The following OPCML variants were observed in gnomAD, a reference collection of about 807,000 sequenced individuals.
OPCML encodes opioid-binding protein/cell adhesion molecule.
OPCML carries 13 observed loss-of-function variants against 37.8 expected under a neutral mutation model. The ratio of observed to expected loss-of-function variants is 0.34; its 90% CI spans 0.22 to 0.55. The LOEUF is 0.55. OPCML is among the 20% of genes least tolerant of loss of function. The pLI is 0.91. For synonymous variants in OPCML, 176 were observed against 168.8 expected (o/e 1.04, Z -0.33); for missense variants, 341 against 435.6 (o/e 0.78, Z 1.93).
At chr11:132,782,929 A>ATG (rs1237113383) in intron 2 of OPCML, among the ~76,000 whole-genome samples, 2 of 146,264 alleles carry the variant, frequency 1.4e-5, no homozygotes, top group Non-Finnish European at 3.0e-5. Flanking sequence ...ATATATATAT[A>ATG]TATATATATA....
At chr11:132,691,185 T>C (rs1312058083) in intron 2 of OPCML, among the ~76,000 whole-genome samples, 1 of 152,196 alleles carries the variant, frequency 6.6e-6, no homozygotes, top group East Asian at 1.9e-4. Flanking sequence ...CTTTATATAT[T>C]AGATAATGTA....
Position 132,991,383 on chromosome 11 carries a change from T to C in OPCML, c.62-48373A>G, listed in dbSNP as rs551290122. On this transcript the variant is annotated intron_variant, in intron 1 of 7. Coordinates refer to ENST00000524381, the MANE Select transcript of OPCML (RefSeq NM_001012393.5). The stretch of plus-strand genomic sequence containing the variant: ...CCCTAATAGAACAAAATCTACTAAT[T>C]AAATTCCACTCAATAATGCATTTTC... Among the ~76,000 whole-genome samples, 5 of 152,338 alleles carry C rather than the reference T, an allele frequency of 3.3e-5. No individual in the cohort carries two copies. The South Asian group carries it at 1.0e-3, about 32-fold the overall frequency.
intron 1 of OPCML, among the ~76,000 whole-genome samples, chr11:133,071,891 G>A (rs929921949): frequency 1.3e-5 from 2 of 152,026 alleles, no homozygotes; most frequent in African/African-American, 2.4e-5. Flanking sequence ...TCCTGATATC[G>A]CCCAATCCTC....
chr11:132,618,954 TACACACACACAC>T (rs6144570), intron 3 of OPCML, among the ~76,000 whole-genome samples: 13,551 of 145,466 alleles, frequency 0.093, 844 homozygotes, highest in African/African-American at 0.19. Context: ...AGCACACGCA[TACACACACACAC>T]ACACACACAC....
intron 1 of OPCML, among the ~76,000 whole-genome samples, chr11:133,290,074 TCTC>T (rs1323221953): frequency 6.6e-6 from 1 of 152,104 alleles, no homozygotes; most frequent in Non-Finnish European, 1.5e-5. Flanking sequence ...TCTTCTCAAA[TCTC>T]CTCAAATTCC....
intron 1 of OPCML, among the ~76,000 whole-genome samples, chr11:133,249,835 C>T (rs535713110): frequency 6.6e-6 from 1 of 152,140 alleles, no homozygotes; most frequent in Non-Finnish European, 1.5e-5. Flanking sequence ...AAATACAATG[C>T]TAGAAGGCAG....
intron 1 of OPCML, among the ~76,000 whole-genome samples, chr11:133,485,521 T>G (rs923044105): frequency 2.0e-5 from 3 of 152,176 alleles, no homozygotes; most frequent in African/African-American, 7.2e-5. Context: ...AATTTTCCTT[T>G]CTGCATCATC....
Position 132,696,518 on chromosome 11 carries a change from AAT to A in OPCML, c.147-39201_147-39200del, listed in dbSNP as rs1412959335. Reference sequence around the variant, plus strand: ...TGATACTATACCAATAAGATAAATAAATAGATACTATGTAGAAGTAATTGTCA... The same window carrying A: ...TGATACTATACCAATAAGATAAATAAAGATACTATGTAGAAGTAATTGTCA... On this transcript the variant is annotated intron_variant, in intron 2 of 7. Coordinates refer to ENST00000524381, the MANE Select transcript of OPCML (RefSeq NM_001012393.5). 5.4e-4 allele frequency among the ~76,000 whole-genome samples: 82 copies of A among 152,206 alleles called. 2 individuals carry two copies. The highest frequency in any genetic ancestry group is 5.3e-3 in the Admixed American group (81 of 15,280).
chr11:132,488,912 G>A (rs1321753266), intron 4 of OPCML, among the ~76,000 whole-genome samples: 1 of 152,134 alleles, frequency 6.6e-6, no homozygotes. Flanking sequence ...GCTGGTTTGA[G>A]CAGAAGCGAC....
chr11:132,648,478 A>G (rs1242622206), intron 3 of OPCML, among the ~76,000 whole-genome samples: 2 of 151,862 alleles, frequency 1.3e-5, no homozygotes, highest in African/African-American at 4.8e-5. Flanking sequence ...TTCTATTGCA[A>G]ATAAGGCAGA....
intron 2 of OPCML, among the ~76,000 whole-genome samples, chr11:132,710,971 TG>T (rs1944241109): frequency 6.6e-6 from 1 of 152,122 alleles, no homozygotes; most frequent in African/African-American, 2.4e-5. Flanking sequence ...ACATGGACTT[TG>T]CATGCTGTGG....
intron 2 of OPCML, among the ~76,000 whole-genome samples, chr11:132,740,979 G>A (rs1459950797): frequency 6.6e-6 from 1 of 152,186 alleles, no homozygotes; most frequent in East Asian, 1.9e-4. Context: ...GTGATGAAGG[G>A]ACAGTATGAC....
At chr11:133,482,832 A>T (rs1443340694) in intron 1 of OPCML, among the ~76,000 whole-genome samples, 1 of 152,212 alleles carries the variant, frequency 6.6e-6, no homozygotes, top group Non-Finnish European at 1.5e-5. Flanking sequence ...ACAGAAAAAA[A>T]AATAGAAGAA....
At chr11:132,476,342 A>G (rs1389845110) in intron 4 of OPCML, among the ~76,000 whole-genome samples, 1 of 152,110 alleles carries the variant, frequency 6.6e-6, no homozygotes, top group African/African-American at 2.4e-5. Flanking sequence ...ATTACTGGGT[A>G]TATACCCAAA....
chr11:132,632,240 CATT>C (rs1384476769), intron 3 of OPCML, among the ~76,000 whole-genome samples: 11 of 117,542 alleles, frequency 9.4e-5, no homozygotes, highest in African/African-American at 2.0e-4. Flanking sequence ...TATTCAAACA[CATT>C]TTTTTTTTTT....
intron 2 of OPCML, among the ~76,000 whole-genome samples, chr11:132,876,893 A>T (rs933633469): frequency 2.7e-4 from 41 of 152,324 alleles, no homozygotes; most frequent in Admixed American, 2.6e-3. Context: ...AAGGCTCAGG[A>T]GGGGCATGAA....
intron 1 of OPCML, among the ~76,000 whole-genome samples, chr11:133,507,922 G>C (rs1313314617): frequency 6.6e-6 from 1 of 150,680 alleles, no homozygotes. Context: ...ACTCCAGACT[G>C]GGTGACAGAG....
intron 1 of OPCML, among the ~76,000 whole-genome samples, chr11:133,153,277 G>T (rs1057297314): frequency 1.3e-5 from 2 of 151,590 alleles, no homozygotes; most frequent in African/African-American, 2.4e-5. Context: ...GCTCCGGCAT[G>T]AACCACGGGG....
chr11:132,967,833 T>A (rs1946249064), intron 1 of OPCML, among the ~76,000 whole-genome samples: 2 of 152,340 alleles, frequency 1.3e-5, no homozygotes, highest in African/African-American at 4.8e-5. Flanking sequence ...CAAGCAAGGT[T>A]TCTCACAGTT....
Sources: gnomAD v4.1 joint callset for allele counts (sites outside exome capture counted in the v4.1 genomes callset) on GRCh38, gnomAD v4.1.1 for gene constraint, MANE v1.5 for transcripts, NCBI Gene and HGNC (gene_info 2026-07-23, HGNC 2026-07-21) for gene names.